The following DIPK1A variants were observed in gnomAD, a reference collection of about 807,000 sequenced individuals.
DIPK1A encodes the protein divergent protein kinase domain 1A, also known as family with sequence similarity 69 member A.
Under a neutral mutation model 40.8 loss-of-function variants are expected in DIPK1A, and 27 were observed. The observed-to-expected ratio is 0.66, with a 90% CI of 0.49 to 0.91. The LOEUF (loss-of-function observed/expected upper bound fraction) is 0.91, where lower values mean the gene tolerates loss of function less well. Ranked by LOEUF, DIPK1A falls within the 40% of genes least tolerant of loss-of-function variation. The pLI, the probability that DIPK1A is intolerant of heterozygous loss-of-function variation, is 0.00. For synonymous variants in DIPK1A, 166 were observed against 171.3 expected, an observed-to-expected ratio of 0.97 and a Z score of 0.24; for missense variants, 412 against 505.7, an observed-to-expected ratio of 0.81 and a Z score of 1.78.
intron 1 of DIPK1A, among the ~76,000 whole-genome samples, chr1:92,908,904 C>A (rs1649726653): frequency 6.6e-6 from 1 of 152,094 alleles, no homozygotes; most frequent in Non-Finnish European, 1.5e-5. Flanking sequence ...GGTGGGACAG[C>A]TTCTACCAGA....
At chr1:92,859,913 G>T (rs992922837) in intron 2 of DIPK1A, among the ~76,000 whole-genome samples, 2 of 152,144 alleles carry the variant, frequency 1.3e-5, no homozygotes, top group Non-Finnish European at 2.9e-5. Context: ...TGTTGCCAAG[G>T]CTGGTCTCAA....
intron 1 of DIPK1A, among the ~76,000 whole-genome samples, chr1:92,893,234 G>A (rs1648981145): frequency 6.6e-6 from 1 of 150,400 alleles, no homozygotes; most frequent in African/African-American, 2.5e-5. Flanking sequence ...AGGAAAAAAT[G>A]TTAAGGGCAG....
intron 1 of DIPK1A, among the ~76,000 whole-genome samples, chr1:92,946,749 C>T (rs1651380870): frequency 6.6e-6 from 1 of 152,080 alleles, no homozygotes; most frequent in African/African-American, 2.4e-5. Flanking sequence ...TTGAGATCAG[C>T]CTGGGCAACA....
chr1:92,921,499 C>T (rs775646168), intron 1 of DIPK1A, among the ~76,000 whole-genome samples: 9 of 152,088 alleles, frequency 5.9e-5, no homozygotes, highest in Non-Finnish European at 8.8e-5. Flanking sequence ...ATTTGCTAGT[C>T]GGGAGTAAAA....
intron 1 of DIPK1A, among the ~76,000 whole-genome samples, chr1:92,954,615 T>A (rs1387002130): frequency 2.0e-5 from 3 of 152,048 alleles, no homozygotes; most frequent in Admixed American, 2.0e-4. Context: ...CCTCAAGTGA[T>A]CCACCTGCCT....
intron 1 of DIPK1A, among the ~76,000 whole-genome samples, chr1:92,914,016 T>C (rs184324659): frequency 1.5e-3 from 226 of 152,210 alleles, no homozygotes; most frequent in African/African-American, 5.3e-3. Flanking sequence ...TATTAGAATA[T>C]GCAGAGAATA....
At chr1:92,912,866 C>T (rs915638002) in intron 1 of DIPK1A, among the ~76,000 whole-genome samples, 14 of 151,888 alleles carry the variant, frequency 9.2e-5, no homozygotes, top group African/African-American at 3.4e-4. Context: ...TTTGGGAGGG[C>T]GAGGAAGGAG....
rs997957123 is a variant in DIPK1A, at chr1:92,959,188, A to G, written c.54+2188T>C. Reference sequence around the variant, plus strand: ...GTAGTCCCAGCTTCTCAGGAGGCTGAGGTGAAAGGATTACCTGAGCCTGGA... The same window carrying G: ...GTAGTCCCAGCTTCTCAGGAGGCTGGGGTGAAAGGATTACCTGAGCCTGGA... On this transcript the variant is annotated intron_variant, in intron 1 of 4. Coordinates refer to ENST00000370310, the MANE Select transcript of DIPK1A (RefSeq NM_001006605.5). 6.6e-5 allele frequency among the ~76,000 whole-genome samples: 10 copies of G among 152,064 alleles called. No individual in the cohort carries two copies. In the East Asian group the frequency reaches 1.9e-3, roughly 29 times the overall value.
At chr1:92,910,851 A>G (rs1016709282) in intron 1 of DIPK1A, among the ~76,000 whole-genome samples, 1 of 151,912 alleles carries the variant, frequency 6.6e-6, no homozygotes, top group Non-Finnish European at 1.5e-5. Context: ...GGATGTATTT[A>G]TTTTTATACA....
At chr1:92,881,326 CA>C (rs3042466) in intron 1 of DIPK1A, among the ~76,000 whole-genome samples, 2,894 of 112,706 alleles carry the variant, frequency 0.026, 83 homozygotes, top group African/African-American at 0.082. Flanking sequence ...GACTCTGTCT[CA>C]AAAAAAAAAA....
At chr1:92,948,995 G>A (rs920007483) in intron 1 of DIPK1A, among the ~76,000 whole-genome samples, 1 of 151,350 alleles carries the variant, frequency 6.6e-6, no homozygotes, top group Admixed American at 6.6e-5. Flanking sequence ...TAGTAGAGAT[G>A]GGGTTTCACC....
At chr1:92,895,834 A>G (rs1405794519) in intron 1 of DIPK1A, among the ~76,000 whole-genome samples, 5 of 152,132 alleles carry the variant, frequency 3.3e-5, no homozygotes, top group African/African-American at 1.2e-4. Flanking sequence ...ATGTGCAAAA[A>G]TAACAAGCAT....
At chr1:92,932,675 TC>T (rs944047830) in intron 1 of DIPK1A, 1 of 152,198 alleles carries the variant, frequency 6.6e-6, no homozygotes, top group Non-Finnish European at 1.5e-5. Context: ...AAATGTGTAT[TC>T]CTAAGTGAAA....
chr1:92,956,918 C>T (rs1420368166), intron 1 of DIPK1A, among the ~76,000 whole-genome samples: 3 of 152,174 alleles, frequency 2.0e-5, no homozygotes, highest in African/African-American at 4.8e-5. Context: ...GGCTTGAAAA[C>T]CTTCAAAGGA....
chr1:92,920,063 A>G (rs1217075747), intron 1 of DIPK1A, among the ~76,000 whole-genome samples: 2 of 152,242 alleles, frequency 1.3e-5, no homozygotes, highest in Non-Finnish European at 2.9e-5. Context: ...AAGATGCATG[A>G]GACATGATAC....
chr1:92,834,713 A>G, intron 4 of DIPK1A: 1 of 1,598,856 alleles, frequency 6.3e-7, no homozygotes, highest in Non-Finnish European at 8.6e-7. Context: ...TCCCTTGAAA[A>G]ATAATTAAGA....
At chr1:92,885,759 A>G (rs907045206) in intron 1 of DIPK1A, among the ~76,000 whole-genome samples, 1 of 152,198 alleles carries the variant, frequency 6.6e-6, no homozygotes, top group Non-Finnish European at 1.5e-5. Context: ...TTAGAGCTAG[A>G]AGAGTTTTCA....
intron 4 of DIPK1A, among the ~76,000 whole-genome samples, chr1:92,834,587 G>T (rs1236854271): frequency 6.6e-6 from 1 of 152,202 alleles, no homozygotes; most frequent in African/African-American, 2.4e-5. Context: ...AAAGATGATT[G>T]AAATATTTGG....
intron 1 of DIPK1A, among the ~76,000 whole-genome samples, chr1:92,934,431 T>A (rs946328901): frequency 6.6e-6 from 1 of 151,670 alleles, no homozygotes; most frequent in Non-Finnish European, 1.5e-5. Context: ...TCCATAAAAG[T>A]TTTTTTTTCT....
Sources: allele counts gnomAD v4.1 joint callset (sites outside exome capture counted in the v4.1 genomes callset), GRCh38; gene constraint gnomAD v4.1.1; transcripts MANE v1.5; gene names NCBI Gene and HGNC (gene_info 2026-07-23, HGNC 2026-07-21).